Variants in BRD1 observed in about 807,000 individuals in gnomAD.
BRD1 encodes the protein bromodomain containing 1.
A neutral mutation model predicts 107.7 loss-of-function variants in BRD1; 24 were observed. The observed-to-expected ratio is 0.22, with a 90% CI of 0.16 to 0.31. The LOEUF is 0.31. BRD1 is among the 10% of genes least tolerant of loss of function. BRD1 has a pLI of 1.00. For synonymous variants in BRD1, 744 were observed against 686.1 expected, an observed-to-expected ratio of 1.08 and a Z score of -1.32; for missense variants, 1,279 against 1,638.6, an observed-to-expected ratio of 0.78 and a Z score of 3.79.
chr22:49,815,714 G>C (rs1013094407), intron 2 of BRD1, among the ~76,000 whole-genome samples: 1 of 152,208 alleles, frequency 6.6e-6, no homozygotes, highest in Non-Finnish European at 1.5e-5. Flanking sequence ...GCAGGAATGA[G>C]TCAGTGTCTG....
chr22:49,825,199 C>A (rs1158595740), intron 1 of BRD1, among the ~76,000 whole-genome samples: 1 of 152,202 alleles, frequency 6.6e-6, no homozygotes, highest in Non-Finnish European at 1.5e-5. Context: ...AGAATCCAGA[C>A]ACATGCATGA....
At chr22:49,797,564 C>T (rs970420951) in intron 6 of BRD1, among the ~76,000 whole-genome samples, 1 of 152,212 alleles carries the variant, frequency 6.6e-6, no homozygotes, top group African/African-American at 2.4e-5. Flanking sequence ...GTAACGTTTA[C>T]CGATCCCATG....
In BRD1 at chr22:49,794,093, G is replaced by GAA. The variant is rs1569105975; in HGVS notation, c.2299_2300insTT (p.Pro767LeufsTer53). The GAA allele has an allele frequency of 6.2e-7, 1 of 1,614,220 alleles. No homozygotes were observed. Among genetic ancestry groups the GAA allele is most frequent in the South Asian group, 1.1e-5 (1 of 91,090 alleles). ...GTCCTCTTCGAAGCCTTCCAAGCCT[G>GAA]GCCCCGTGGGCAGGGGCTGGCTGTG... On this transcript the variant is annotated frameshift_variant, in exon 7 of 13. Coordinates refer to ENST00000404760, the MANE Select transcript of BRD1 (RefSeq NM_001304808.3). LOFTEE classifies it high-confidence loss of function.
rs977255582 is a variant in BRD1, at chr22:49,773,882, C to T, written c.*351G>A. 1.7e-5 allele frequency: 3 copies of T among 180,062 alleles called. No individual in the cohort carries two copies. The highest frequency in any genetic ancestry group is 3.5e-5 in the Non-Finnish European group (3 of 86,852). 11.2% of individuals were successfully genotyped at this position (180,062 alleles called of 1,614,324 possible). On this transcript the variant is annotated 3_prime_UTR_variant, in exon 13 of 13. Transcript: ENST00000404760. ...ATACACATTTGTCATTGTAAATTTA[C>T]ATCCCGTCTTATTAAATAAGTGGTA...
chr22:49,813,232 T>A lies in BRD1; in HGVS notation c.1368-8872A>T, dbSNP rs551494451. On this transcript the variant is annotated intron_variant, in intron 2 of 12. Coordinates refer to ENST00000404760, the MANE Select transcript of BRD1 (RefSeq NM_001304808.3). Reference sequence around the variant, plus strand: ...ACAGTGAGACGCCATCTCTATTTTTTGTTTTTTTGAGATGGAGTCTCGCTC... The same window carrying A: ...ACAGTGAGACGCCATCTCTATTTTTAGTTTTTTTGAGATGGAGTCTCGCTC... Among the ~76,000 whole-genome samples the A allele has an allele frequency of 2.6e-5, 4 of 152,098 alleles. No homozygotes were observed. The South Asian group carries it at 8.3e-4, about 32-fold the overall frequency.
chr22:49,776,030 G>T lies in BRD1; in HGVS notation c.3231+20C>A. 1.3e-6 allele frequency: 2 copies of T among 1,501,880 alleles called. No homozygotes were observed. 93.0% of individuals were successfully genotyped at this position (1,501,880 alleles called of 1,614,324 possible). ...GTGAGCCTCCTCTGGACCCGCAGGC[G>T]CCACGAGAGCCGTACTCACCAGTGC... On this transcript the variant is annotated intron_variant, in intron 11 of 12. Coordinates refer to ENST00000404760, the MANE Select transcript of BRD1 (RefSeq NM_001304808.3).
rs1247762113 is a variant in BRD1 at position 49,787,313 on chromosome 22, G to T, written c.2857+77C>A. Reference sequence around the variant, plus strand: ...AGAAGCTGGACACCCCCCCCCCCCCGTCACACCAATGATCCTGAAGGACGC... The same window carrying T: ...AGAAGCTGGACACCCCCCCCCCCCCTTCACACCAATGATCCTGAAGGACGC... On this transcript the variant is annotated intron_variant, in intron 8 of 12. Coordinates refer to ENST00000404760, the MANE Select transcript of BRD1 (RefSeq NM_001304808.3). 31 of 408,260 alleles carry T rather than the reference G, an allele frequency of 7.6e-5. 1 individual carries two copies. Among genetic ancestry groups the T allele is most frequent in the Admixed American group, 6.1e-4 (7 of 11,416 alleles). 25.3% of individuals were successfully genotyped at this position (408,260 alleles called of 1,614,324 possible).
At chr22:49,822,282 G>T (rs1326739248) in intron 2 of BRD1, among the ~76,000 whole-genome samples, 1 of 152,116 alleles carries the variant, frequency 6.6e-6, no homozygotes, top group Non-Finnish European at 1.5e-5. Context: ...AAAATTAGCT[G>T]GGCATGGGAG....
chr22:49,799,064 C>T lies in BRD1; in HGVS notation c.1580G>A (p.Arg527Gln), dbSNP rs1205877452. 8 of 1,611,014 alleles carry T rather than the reference C, an allele frequency of 5.0e-6. No homozygotes were observed. The highest frequency in any genetic ancestry group is 6.8e-6 in the Non-Finnish European group (8 of 1,179,984). Residue 527 changes from arginine to glutamine, a missense_variant, in exon 4 of 13, where the codon CGG becomes CAG. Arg to Gln is a conservative substitution (Grantham distance 43). Transcript: ENST00000404760. ...AAKEKLKYWQ[R>Q]LRHDLERARL... ...AGCGCGCTCCAGGTCGTGCCGCAGC[C>T]GCTGCCAGTACTTCAGCTTCTCTTT...
intron 7 of BRD1, among the ~76,000 whole-genome samples, chr22:49,788,908 C>T (rs1453004971): frequency 1.3e-5 from 2 of 152,194 alleles, no homozygotes; most frequent in East Asian, 3.8e-4. Flanking sequence ...TTCCTAAAAC[C>T]GTTTGAAGTA....
chr22:49,824,350 T>G lies in BRD1; in HGVS notation c.-14-19A>C. ...TGATTACCTAAAATGAAGGCAAAAG[T>G]AAAGGTAATTCTACGCAGGGTGACC... is the stretch of plus-strand genomic sequence containing the variant. On this transcript the variant is annotated intron_variant, in intron 1 of 12. Transcript: ENST00000404760. This position sits in a 1 kb window ranked among gnomAD's most constrained non-coding sequence, Gnocchi z 5.9. 1 of 1,607,600 alleles carries G rather than the reference T, an allele frequency of 6.2e-7. No individual in the cohort carries two copies. Among genetic ancestry groups the G allele is most frequent in the South Asian group, 1.1e-5 (1 of 90,828 alleles).
At chr22:49,790,783 C>G (rs934055811) in intron 7 of BRD1, among the ~76,000 whole-genome samples, 14 of 152,226 alleles carry the variant, frequency 9.2e-5, no homozygotes, top group Admixed American at 3.9e-4. Flanking sequence ...GCTGCGTACT[C>G]CGCACCTTCT....
At chr22:49,816,414 T>C (rs1601727757) in intron 2 of BRD1, among the ~76,000 whole-genome samples, 2 of 152,134 alleles carry the variant, frequency 1.3e-5, no homozygotes, top group East Asian at 3.9e-4. Flanking sequence ...AGGGCCTACC[T>C]AGTGGACTCA....
rs1268991218 is a variant in BRD1, at chr22:49,777,118, G to A, written c.3037C>T (p.Arg1013Ter). ...KCGRGKPALV[R>*]RHTLEDRSEL... The stretch of plus-strand genomic sequence containing the variant: ...CTGCGGTCCTCCAGCGTGTGCCGTC[G>A]CACAAGAGCCGGTTTGCCCCGCCCA... Residue 1013 changes from arginine to a stop codon, truncating the protein, a stop_gained, in exon 10 of 13, where the codon CGA (arginine) becomes TGA (stop). Transcript: ENST00000404760. LOFTEE classifies it high-confidence loss of function. 1.2e-6 allele frequency: 2 copies of A among 1,613,288 alleles called. No individual in the cohort carries two copies. The highest frequency in any genetic ancestry group is 1.1e-5 in the South Asian group (1 of 91,092).
intron 2 of BRD1, chr22:49,805,613 CT>C (rs2059727858): frequency 6.5e-6 from 1 of 153,590 alleles, no homozygotes; most frequent in Admixed American, 6.5e-5. Flanking sequence ...CCTCTGCAGG[CT>C]GGGCTGGGCT....
intron 6 of BRD1, 48 bp from the exon 7 acceptor site, chr22:49,794,342 C>G (rs1438918991): frequency 6.4e-7 from 1 of 1,562,648 alleles, no homozygotes; most frequent in Non-Finnish European, 8.7e-7. Context: ...CACGCACCTT[C>G]TGGGAACACA....
At chr22:49,776,222 C>T in intron 10 of BRD1, 63 bp from the exon 11 acceptor site, 3 of 1,453,520 alleles carry the variant, frequency 2.1e-6, no homozygotes, top group Non-Finnish European at 2.8e-6. Context: ...CCCCGCCCCC[C>T]CACAAAAGGT....
Position 49,815,578 on chromosome 22 carries a change from T to C in BRD1, c.1367+7373A>G, listed in dbSNP as rs1003354540. ...AAAAAAAAAAAACTGTTTCCAGATATAGTAATGTCCATTTCTGTAGAGGAG... is the reference window on the plus strand; with the variant it reads ...AAAAAAAAAAAACTGTTTCCAGATACAGTAATGTCCATTTCTGTAGAGGAG... On this transcript the variant is annotated intron_variant, in intron 2 of 12. Transcript: ENST00000404760. 2.6e-5 allele frequency among the ~76,000 whole-genome samples: 4 copies of C among 151,264 alleles called. No homozygotes were observed. The East Asian group carries it at 7.7e-4, about 29-fold the overall frequency.
intron 12 of BRD1, 78 bp downstream of exon 12, chr22:49,775,513 C>A (rs1176652469): frequency 1.6e-6 from 2 of 1,266,200 alleles, no homozygotes; most frequent in Admixed American, 6.1e-5. Flanking sequence ...CTGCTCACCA[C>A]AGGGACACTC....
Sources: gnomAD v4.1 joint callset for allele counts (sites outside exome capture counted in the v4.1 genomes callset) on GRCh38, gnomAD v4.1.1 for gene constraint, Gnocchi (gnomAD v3.1) non-coding constraint, MANE v1.5 for transcripts, NCBI Gene and HGNC (gene_info 2026-07-23, HGNC 2026-07-21) for gene names.